Variants in DDX4 observed in about 807,000 individuals in gnomAD.
The protein encoded by DDX4 is probable ATP-dependent RNA helicase DDX4.
A neutral mutation model predicts 100.0 loss-of-function variants in DDX4; 25 were observed. The ratio of observed to expected loss-of-function variants is 0.25; its 90% CI spans 0.18 to 0.35. DDX4 has a LOEUF of 0.35. DDX4 is among the 10% of genes least tolerant of loss of function. The probability of loss-of-function intolerance (pLI) is 1.00; values close to 1 mark genes in which losing one functional copy is unlikely to be tolerated. For missense variants in DDX4, 635 were observed against 882.4 expected (o/e 0.72, Z 3.55); for synonymous variants, 259 against 275.7 (o/e 0.94, Z 0.60).
chr5:55,800,380 G>C (rs1743220080), intron 18 of DDX4, among the ~76,000 whole-genome samples: 1 of 149,064 alleles, frequency 6.7e-6, no homozygotes, highest in Non-Finnish European at 1.5e-5. Context: ...CTGGAGTACA[G>C]TGGCACAATC....
chr5:55,772,908 A>G (rs1214698421), intron 7 of DDX4, among the ~76,000 whole-genome samples: 1 of 152,214 alleles, frequency 6.6e-6, no homozygotes, highest in East Asian at 1.9e-4. Context: ...TAACAACACA[A>G]AACAAATGAA....
At chr5:55,794,963 CTTT>C (rs537421129) in intron 17 of DDX4, among the ~76,000 whole-genome samples, 1 of 140,870 alleles carries the variant, frequency 7.1e-6, no homozygotes, top group Non-Finnish European at 1.5e-5. Context: ...AGCCCCAGAC[CTTT>C]TTTTTTTTTT....
rs570581406 is a variant in DDX4 at position 55,778,785 on chromosome 5, T to C, written c.395-1179T>C. On this transcript the variant is annotated intron_variant, in intron 7 of 21. Coordinates refer to ENST00000505374, the MANE Select transcript of DDX4 (RefSeq NM_024415.3). ...GGTTCATGCCTGTAATCTCAGCTAC[T>C]TGGGAGGCTGAGACAGGAGAATCGC... 9.8e-4 allele frequency among the ~76,000 whole-genome samples: 149 copies of C among 152,090 alleles called. 1 individual carries two copies. Among genetic ancestry groups the C allele is most frequent in the African/African-American group, 3.3e-3 (138 of 41,494 alleles).
intron 7 of DDX4, among the ~76,000 whole-genome samples, chr5:55,775,982 G>A (rs146474515): frequency 3.0e-4 from 46 of 152,216 alleles, no homozygotes; most frequent in African/African-American, 8.7e-4. Flanking sequence ...TTAACTGGGC[G>A]TGGTGGTGCA....
chr5:55,798,608 G>T (rs767105260), intron 18 of DDX4, 37 bp downstream of exon 18: 30 of 1,537,084 alleles, frequency 2.0e-5, no homozygotes, highest in Non-Finnish European at 2.5e-5. Context: ...TCATGATTTT[G>T]ATTTTTTTTA....
At position 55,787,931 on chromosome 5, in the gene DDX4, G is replaced by A; in HGVS notation, c.1103G>A (p.Cys368Tyr). The change falls in exon 15 of 22, where the codon TGT becomes TAT. Residue 368 changes from cysteine (C) to tyrosine (Y), a missense_variant. By Grantham distance (194) the Cys-to-Tyr change is radical. Around this residue, in one of 4 missense-constraint regions of DDX4, gnomAD observed 446 missense variants for 540.8 expected, o/e 0.82. Coordinates refer to ENST00000505374, the MANE Select transcript of DDX4 (RefSeq NM_024415.3). ...SRFKELQEPE[C>Y]IIVAPTRELV... ...TTTAAAGAGTTGCAGGAACCAGAGT[G>A]TATTATTGTAGCACCAACTCGAGAA... 6.2e-7 allele frequency: 1 copy of A among 1,613,870 alleles called. No homozygotes were observed.
chr5:55,754,347 A>G (rs1580522919), intron 3 of DDX4, among the ~76,000 whole-genome samples: 1 of 112,586 alleles, frequency 8.9e-6, no homozygotes, highest in Non-Finnish European at 1.8e-5. Flanking sequence ...AATACGTCCC[A>G]TCAATACCTA....
At chr5:55,772,417 C>T (rs1397155575) in intron 7 of DDX4, among the ~76,000 whole-genome samples, 3 of 152,022 alleles carry the variant, frequency 2.0e-5, no homozygotes, top group South Asian at 4.1e-4. Flanking sequence ...GGTTTTATTC[C>T]GTTGGTCAGT....
chr5:55,799,609 C>A (rs1205207250), intron 18 of DDX4, among the ~76,000 whole-genome samples: 3 of 152,090 alleles, frequency 2.0e-5, no homozygotes, highest in African/African-American at 7.2e-5. Context: ...CTCCTGGGCT[C>A]GAGTGATCCA....
At position 55,785,818 on chromosome 5, in the gene DDX4, T is replaced by C. The variant is rs1270894256; in HGVS notation, c.811T>C (p.Tyr271His). Residue 271 changes from tyrosine to histidine, a missense_variant, in exon 13 of 22, where the codon TAC becomes CAC. This residue lies in a region of DDX4 where 446 missense variants were observed against 540.8 expected (regional missense o/e 0.82). Transcript: ENST00000505374. The stretch of plus-strand genomic sequence containing the variant: ...TCAGACAGGCATAAACTTCGACAAA[T>C]ACGACACTATTCTTGTGGAAGTGTC... ...HYQTGINFDK[Y>H]DTILVEVSGH... The C allele has an allele frequency of 6.2e-7, 1 of 1,609,332 alleles. No homozygotes were observed. Among genetic ancestry groups the C allele is most frequent in the Admixed American group, 1.7e-5 (1 of 59,986 alleles).
intron 18 of DDX4, among the ~76,000 whole-genome samples, chr5:55,805,775 C>T (rs1023423277): frequency 4.6e-5 from 7 of 152,166 alleles, no homozygotes; most frequent in Admixed American, 4.6e-4. Flanking sequence ...GGATATTGGT[C>T]TAAAATTCTC....
chr5:55,816,639 G>T lies in DDX4; in HGVS notation c.*99G>T. ...AAGTATAAAACTTAACATTCTCATAGCTCCTGTCCTTGTATTCTCACTCCT... is the reference window on the plus strand; with the variant it reads ...AAGTATAAAACTTAACATTCTCATATCTCCTGTCCTTGTATTCTCACTCCT... On this transcript the variant is annotated 3_prime_UTR_variant, in exon 22 of 22. Coordinates refer to ENST00000505374, the MANE Select transcript of DDX4 (RefSeq NM_024415.3). 1.3e-6 allele frequency: 2 copies of T among 1,519,844 alleles called. No individual in the cohort carries two copies. The highest frequency in any genetic ancestry group is 8.8e-7 in the Non-Finnish European group (1 of 1,131,856). The allele number at this position is 1,519,844 out of a possible 1,614,324, so 94.1% of individuals were successfully genotyped here. A position where few individuals can be genotyped will look rare whatever the true frequency, so the allele number is the denominator to read the frequency against.
intron 18 of DDX4, among the ~76,000 whole-genome samples, chr5:55,804,229 G>A (rs551866390): frequency 2.7e-4 from 41 of 151,652 alleles, no homozygotes; most frequent in African/African-American, 7.1e-4. Context: ...TTAGCCCTTT[G>A]TCAGATGAGT....
intron 18 of DDX4, among the ~76,000 whole-genome samples, chr5:55,805,987 T>G (rs1337255213): frequency 6.6e-6 from 1 of 152,240 alleles, no homozygotes; most frequent in Non-Finnish European, 1.5e-5. Context: ...TATTAATTAT[T>G]ACCTCAATTT....
chr5:55,788,800 T>TTA lies in DDX4; in HGVS notation c.1172+801_1172+802dup, dbSNP rs1169902549. On this transcript the variant is annotated intron_variant, in intron 15 of 21. Coordinates refer to ENST00000505374, the MANE Select transcript of DDX4 (RefSeq NM_024415.3). ...TTCTGTTTTGGCCAGATATGATGTC[T>TTA]TACACCTGTAATCCTAGCACTTTGG... 1.6e-4 allele frequency among the ~76,000 whole-genome samples: 24 copies of TTA among 152,146 alleles called. 1 individual carries two copies. The highest frequency in any genetic ancestry group is 2.9e-4 in the Non-Finnish European group (20 of 68,028).
chr5:55,796,840 T>C (rs928882971), intron 17 of DDX4, among the ~76,000 whole-genome samples: 2 of 98,296 alleles, frequency 2.0e-5, no homozygotes, highest in African/African-American at 3.9e-5. Flanking sequence ...TTTTTTTTTT[T>C]TTTTTTTTTT....
In DDX4 at chr5:55,816,768, T is replaced by G; in HGVS notation, c.*228T>G. On this transcript the variant is annotated 3_prime_UTR_variant, in exon 22 of 22. Transcript: ENST00000505374. ...GTGTTAACTGGGAATATTAAAGCAT[T>G]CTAAATGTCTTTCTTATTTCTGGTA... 1.6e-6 allele frequency: 1 copy of G among 621,896 alleles called. No individual in the cohort carries two copies. The highest frequency in any genetic ancestry group is 4.8e-4 in the Middle Eastern group (1 of 2,082). The allele number at this position is 621,896 out of a possible 1,614,324, so 38.5% of individuals were successfully genotyped here.
At chr5:55,786,127 T>TTAAAAA (rs1742230928) in intron 13 of DDX4, among the ~76,000 whole-genome samples, 1 of 152,188 alleles carries the variant, frequency 6.6e-6, no homozygotes, top group Non-Finnish European at 1.5e-5. Flanking sequence ...ATGCTTTTCC[T>TTAAAAA]AGTGATTCAA....
At chr5:55,751,767 A>G (rs543077480) in intron 3 of DDX4, among the ~76,000 whole-genome samples, 20 of 152,316 alleles carry the variant, frequency 1.3e-4, no homozygotes, top group African/African-American at 4.6e-4. Flanking sequence ...TGTTCATGGT[A>G]TGCCTTATTA....
Sources: allele counts gnomAD v4.1 joint callset (sites outside exome capture counted in the v4.1 genomes callset), GRCh38; gene constraint gnomAD v4.1.1; regional missense constraint gnomAD v4.1.1; transcripts MANE v1.5; gene names NCBI Gene and HGNC (gene_info 2026-07-23, HGNC 2026-07-21).